The following TTC7B variants were observed in gnomAD, a reference collection of about 807,000 sequenced individuals.
TTC7B encodes the protein tetratricopeptide repeat protein 7B.
A neutral mutation model predicts 106.8 loss-of-function variants in TTC7B; 28 were observed. That is an observed-to-expected ratio of 0.26 (90% CI 0.19 to 0.36). The LOEUF (loss-of-function observed/expected upper bound fraction) is 0.36, where lower values mean the gene tolerates loss of function less well. TTC7B is among the 10% of genes least tolerant of loss of function. TTC7B has a pLI of 1.00. For synonymous variants in TTC7B, 405 were observed against 430.6 expected (o/e 0.94, Z 0.74); for missense variants, 862 against 1,076.4 (o/e 0.80, Z 2.79).
rs114164590 is a variant in TTC7B at position 90,624,209 on chromosome 14, C to T, written c.1752-6164G>A. On this transcript the variant is annotated intron_variant, in intron 15 of 19. Coordinates refer to ENST00000328459, the MANE Select transcript of TTC7B (RefSeq NM_001010854.2). This position sits in a 1 kb window ranked among gnomAD's most constrained non-coding sequence, Gnocchi z 4.0. ...AAGGACCTCGTTAATCAAAGTTTTA[C>T]TTTTCATTAAAACAAATAGAAATAC... Among the ~76,000 whole-genome samples the T allele has an allele frequency of 0.019, 2,829 of 152,292 alleles. 94 individuals are homozygous for T. The highest frequency in any genetic ancestry group is 0.063 in the African/African-American group (2,625 of 41,550).
intron 6 of TTC7B, 121 bp downstream of exon 6, chr14:90,695,379 T>A (rs941775912): frequency 2.4e-6 from 1 of 413,710 alleles, no homozygotes; most frequent in African/African-American, 2.1e-5. Context: ...ATATGTCACA[T>A]ATATTTATAA....
At chr14:90,587,336 G>A (rs775559405) in intron 18 of TTC7B, among the ~76,000 whole-genome samples, 1 of 152,232 alleles carries the variant, frequency 6.6e-6, no homozygotes, top group African/African-American at 2.4e-5. Flanking sequence ...TAACATGGCT[G>A]CCAGGGGTGC....
chr14:90,773,281 TC>T (rs1409766519), intron 3 of TTC7B, among the ~76,000 whole-genome samples: 3 of 152,204 alleles, frequency 2.0e-5, no homozygotes, highest in African/African-American at 7.2e-5. Context: ...ATAAGAAAAG[TC>T]AGACTTAAAT....
rs145426504 is a variant in TTC7B, at chr14:90,791,524, C to T, written c.122-5196G>A. On this transcript the variant is annotated intron_variant, in intron 1 of 19. Coordinates refer to ENST00000328459, the MANE Select transcript of TTC7B (RefSeq NM_001010854.2). ...TTAAAATTCCCATGTTTTATCAGAG[C>T]ACGCGGCTGCCCAGTTAAAGACTAC... Among the ~76,000 whole-genome samples, 467 of 152,258 alleles carry T rather than the reference C, an allele frequency of 3.1e-3. 3 individuals are homozygous for T. The highest frequency in any genetic ancestry group is 0.011 in the African/African-American group (443 of 41,564).
chr14:90,763,545 A>G (rs1890573925), intron 3 of TTC7B, among the ~76,000 whole-genome samples: 1 of 152,210 alleles, frequency 6.6e-6, no homozygotes, highest in Non-Finnish European at 1.5e-5. Context: ...AGTCATCCAG[A>G]TTGGAAAGGA....
intron 3 of TTC7B, among the ~76,000 whole-genome samples, chr14:90,758,798 C>A (rs903910258): frequency 1.8e-4 from 27 of 152,190 alleles, no homozygotes; most frequent in African/African-American, 6.3e-4. Context: ...CCCCAAATGA[C>A]CTGCTAGCCG....
intron 15 of TTC7B, among the ~76,000 whole-genome samples, chr14:90,618,783 G>A (rs1034485371): frequency 1.1e-4 from 17 of 152,204 alleles, no homozygotes; most frequent in African/African-American, 3.9e-4. Context: ...CAGCTCTCCT[G>A]GCCCCTGGAC....
chr14:90,549,496 C>G (rs61986994), intron 19 of TTC7B, among the ~76,000 whole-genome samples: 12,094 of 152,282 alleles, frequency 0.079, 507 homozygotes, highest in Middle Eastern at 0.1. Flanking sequence ...GTGGCCAGAG[C>G]TGCAGTTGTG....
intron 3 of TTC7B, among the ~76,000 whole-genome samples, chr14:90,745,992 T>G (rs1889955405): frequency 6.6e-6 from 1 of 151,816 alleles, no homozygotes; most frequent in Non-Finnish European, 1.5e-5. Context: ...TGTGAGCCAC[T>G]GTGCCTGGCC....
At chr14:90,788,570 TAA>T (rs34056961) in intron 1 of TTC7B, among the ~76,000 whole-genome samples, 93 of 149,938 alleles carry the variant, frequency 6.2e-4, no homozygotes, top group African/African-American at 1.5e-3. Context: ...CATGTGCTCT[TAA>T]AAAAAAAAAT....
intron 9 of TTC7B, among the ~76,000 whole-genome samples, chr14:90,664,919 A>G (rs35422426): frequency 0.13 from 19,383 of 152,128 alleles, 1,462 homozygotes; most frequent in Middle Eastern, 0.21. Context: ...CAGGGTTCTG[A>G]AGGGCAGATG....
intron 14 of TTC7B, among the ~76,000 whole-genome samples, chr14:90,646,439 T>C (rs1238609271): frequency 1.3e-5 from 2 of 152,232 alleles, no homozygotes; most frequent in African/African-American, 4.8e-5. Flanking sequence ...GTCCCCTTTT[T>C]CGAGTAGCCA....
At chr14:90,592,125 C>T (rs1246205532) in intron 18 of TTC7B, among the ~76,000 whole-genome samples, 1 of 152,164 alleles carries the variant, frequency 6.6e-6, no homozygotes, top group African/African-American at 2.4e-5. Context: ...GTTTTCAATG[C>T]GAAGGCCTGC....
At chr14:90,756,513 C>T (rs1234360677) in intron 3 of TTC7B, among the ~76,000 whole-genome samples, 1 of 151,794 alleles carries the variant, frequency 6.6e-6, no homozygotes, top group Non-Finnish European at 1.5e-5. Context: ...CCTGCCTCAG[C>T]CTCCCGAGTA....
chr14:90,563,758 T>A (rs935758872), intron 19 of TTC7B, among the ~76,000 whole-genome samples: 8 of 152,226 alleles, frequency 5.3e-5, no homozygotes, highest in Admixed American at 5.2e-4. Context: ...CAAGCTGATA[T>A]AATATTCTAA....
At chr14:90,715,040 G>A (rs1051735917) in intron 5 of TTC7B, among the ~76,000 whole-genome samples, 2 of 152,162 alleles carry the variant, frequency 1.3e-5, no homozygotes, top group Admixed American at 6.5e-5. Flanking sequence ...GGGCCTGACT[G>A]CTCTGGCCCC....
intron 17 of TTC7B, among the ~76,000 whole-genome samples, chr14:90,595,498 T>C (rs917213130): frequency 6.6e-6 from 1 of 152,234 alleles, no homozygotes; most frequent in Admixed American, 6.5e-5. Flanking sequence ...ATTAAACTGC[T>C]GTCAAAATTT....
At chr14:90,561,408 C>T (rs759653034) in intron 19 of TTC7B, among the ~76,000 whole-genome samples, 3 of 152,256 alleles carry the variant, frequency 2.0e-5, no homozygotes, top group Non-Finnish European at 4.4e-5. Flanking sequence ...GGGTCACCCA[C>T]TGTCCCCTGA....
chr14:90,577,167 A>G lies in TTC7B; in HGVS notation c.2310+939T>C, dbSNP rs1891292210. ...GCTCTTCTTTCCTGCGGTTCATGAC[A>G]TCAGCGATGTCTACTGCTAAAAATG... is the stretch of plus-strand genomic sequence containing the variant. On this transcript the variant is annotated intron_variant, in intron 19 of 19. Coordinates refer to ENST00000328459, the MANE Select transcript of TTC7B (RefSeq NM_001010854.2). This position sits in a 1 kb window ranked among gnomAD's most constrained non-coding sequence, Gnocchi z 5.0. Among the ~76,000 whole-genome samples, 1 of 152,196 alleles carries G rather than the reference A, an allele frequency of 6.6e-6. No homozygotes were observed. The highest frequency in any genetic ancestry group is 1.5e-5 in the Non-Finnish European group (1 of 68,032).
Sources: gnomAD v4.1 joint callset for allele counts (sites outside exome capture counted in the v4.1 genomes callset) on GRCh38, gnomAD v4.1.1 for gene constraint, Gnocchi (gnomAD v3.1) non-coding constraint, MANE v1.5 for transcripts, NCBI Gene and HGNC (gene_info 2026-07-23, HGNC 2026-07-21) for gene names.